The following LRRC37B variants were observed in gnomAD, a reference collection of about 807,000 sequenced individuals.
The protein encoded by LRRC37B is leucine rich repeat containing 37B, also known as leucine-rich repeat-containing protein 37B.
A neutral mutation model predicts 98.3 loss-of-function variants in LRRC37B; 28 were observed. The observed-to-expected ratio is 0.28, with a 90% CI of 0.21 to 0.39. The LOEUF (loss-of-function observed/expected upper bound fraction) is 0.39. LRRC37B is among the 10% of genes least tolerant of loss of function. The probability of loss-of-function intolerance (pLI) is 1.00; values close to 1 mark genes in which losing one functional copy is unlikely to be tolerated. For missense variants in LRRC37B, 938 were observed against 1,182.7 expected, an observed-to-expected ratio of 0.79 and a Z score of 3.03; for synonymous variants, 364 against 442.7, an observed-to-expected ratio of 0.82 and a Z score of 2.23.
At chr17:32,019,581 A>G (rs1351660703), upstream of LRRC37B, among the ~76,000 whole-genome samples, 2 of 152,198 alleles carry the variant, frequency 1.3e-5, no homozygotes, top group Non-Finnish European at 2.9e-5. Flanking sequence ...TTTTTTTTTA[A>G]AAAGGGAGCA....
intron 3 of LRRC37B, among the ~76,000 whole-genome samples, chr17:32,029,398 T>G (rs1349569440): frequency 6.6e-6 from 1 of 152,208 alleles, no homozygotes; most frequent in East Asian, 1.9e-4. Flanking sequence ...AGTCCATGCT[T>G]TCAAGGAGTT....
intron 10 of LRRC37B, 22 bp downstream of exon 13, chr17:32,049,416 G>C: frequency 6.3e-7 from 1 of 1,597,842 alleles, no homozygotes; most frequent in Non-Finnish European, 8.5e-7. Flanking sequence ...ACAGAAACAT[G>C]AGACCCAGAT....
chr17:32,027,444 CTTGCCTGTGTGTGTGTGT>C (rs1910996066), intron 2 of LRRC37B, among the ~76,000 whole-genome samples: 1 of 97,510 alleles, frequency 1.0e-5, no homozygotes, highest in Non-Finnish European at 2.0e-5. Flanking sequence ...TGTGTGTGTG[CTTGCCTGTGTGTGTGTGT>C]GCTTGCCTGT....
chr17:32,014,701 T>TATAGATAG lies in LRRC37B; in HGVS notation c.-190-3251_-190-3244dup, dbSNP rs201573145. 3.9e-3 allele frequency among the ~76,000 whole-genome samples: 587 copies of TATAGATAG among 152,082 alleles called. 4 individuals carry two copies. Among genetic ancestry groups the TATAGATAG allele is most frequent in the African/African-American group, 0.013 (524 of 41,442 alleles). ...TGGTGAGACTTCCAATGTATGTAGA[T>TATAGATAG]ATAGATAGATAGATAGATAGATAGA... is the stretch of plus-strand genomic sequence containing the variant. On this transcript the variant is annotated intron_variant, in intron 1 of 14. Transcript: ENST00000543378.
At chr17:32,012,295 A>T (rs1195713869) in intron 1 of LRRC37B, among the ~76,000 whole-genome samples, 1 of 152,178 alleles carries the variant, frequency 6.6e-6, no homozygotes. Context: ...CTGTCTGTTT[A>T]TGCGTCCTGT....
chr17:32,013,833 A>G (rs1910592485), intron 1 of LRRC37B, among the ~76,000 whole-genome samples: 1 of 152,166 alleles, frequency 6.6e-6, no homozygotes, highest in Non-Finnish European at 1.5e-5. Context: ...GTAGACATAT[A>G]TCCACATACA....
At chr17:32,026,165 G>C (rs987798705) in intron 2 of LRRC37B, among the ~76,000 whole-genome samples, 3 of 152,188 alleles carry the variant, frequency 2.0e-5, no homozygotes, top group Non-Finnish European at 2.9e-5. Context: ...ACAACAGTTT[G>C]TGTCACATCA....
chr17:32,012,576 T>C (rs1171139776), intron 1 of LRRC37B, among the ~76,000 whole-genome samples: 1 of 150,854 alleles, frequency 6.6e-6, no homozygotes, highest in Admixed American at 6.6e-5. Flanking sequence ...AACAGCCTGG[T>C]GTGGTGGCAC....
At chr17:32,021,658 T>C in exon 1 of LRRC37B, 1 of 1,614,206 alleles carries the variant, frequency 6.2e-7, no homozygotes, top group Non-Finnish European at 8.5e-7. Context: ...GCAGATGAAA[T>C]ACTTGTTCCA....
At chr17:32,007,785 C>T (rs973673862), upstream of LRRC37B, 4 of 1,188,754 alleles carry the variant, frequency 3.4e-6, no homozygotes, top group South Asian at 8.3e-5. This position sits in a 1 kb window ranked among gnomAD's most constrained non-coding sequence, Gnocchi z 4.1. Flanking sequence ...GCCCAAGACG[C>T]GGCTGAGCTC....
intron 1 of LRRC37B, among the ~76,000 whole-genome samples, chr17:32,009,603 A>C (rs1910483169): frequency 6.7e-6 from 1 of 149,444 alleles, no homozygotes; most frequent in Admixed American, 6.7e-5. Flanking sequence ...TAAGATGTTT[A>C]ATTGGGTTGC....
intron 11 of LRRC37B, chr17:32,052,351 T>C (rs1436287607): frequency 6.6e-6 from 1 of 152,160 alleles, no homozygotes; most frequent in Non-Finnish European, 1.5e-5. Context: ...TTGAAAACTT[T>C]TGTTGTAGAG....
chr17:32,047,917 C>T lies in LRRC37B; in HGVS notation c.2464+16C>T, dbSNP rs762176342. 5.6e-6 allele frequency: 9 copies of T among 1,614,070 alleles called. No individual in the cohort carries two copies. Among genetic ancestry groups the T allele is most frequent in the Non-Finnish European group, 5.9e-6 (7 of 1,179,992 alleles). Reference sequence around the variant, plus strand: ...GGCTTTGGGGGTGAGCAGCTAGACACCAATGACGAGAGTGATGTTAGCAGT... The same window carrying T: ...GGCTTTGGGGGTGAGCAGCTAGACATCAATGACGAGAGTGATGTTAGCAGT... On this transcript the variant is annotated intron_variant, in intron 9 of 11. Transcript: ENST00000327564.
exon 1 of LRRC37B, chr17:32,021,766 G>A (rs751053733): frequency 1.2e-6 from 2 of 1,614,136 alleles, no homozygotes; most frequent in South Asian, 2.2e-5. Context: ...GAGATTGTTG[G>A]GATTCCACAC....
chr17:32,053,268 G>A, exon 12 of LRRC37B: 1 of 1,609,038 alleles, frequency 6.2e-7, no homozygotes, highest in Non-Finnish European at 8.5e-7. Flanking sequence ...CAAAACAGGT[G>A]AATTCACATA....
exon 1 of LRRC37B, chr17:32,021,504 G>A (rs1377212148): frequency 6.2e-7 from 1 of 1,613,962 alleles, no homozygotes; most frequent in African/African-American, 1.3e-5. Context: ...TGCACATCAG[G>A]ACTTAAATGA....
rs1191827653 is a variant in LRRC37B at position 32,021,644 on chromosome 17, T to G, written c.579T>G (p.His193Gln). ...CAGATCTAGATCGGGCTGCAGGTCA[T>G]CAGGCAGATGAAATACTTGTTCCAC... Residue 193 changes from histidine (H) to glutamine (Q), a missense_variant, in exon 1 of 12, where the codon CAT becomes CAG. Coordinates refer to ENST00000327564, the Ensembl canonical transcript of LRRC37B. The G allele has an allele frequency of 1.9e-6, 3 of 1,614,108 alleles. No individual in the cohort carries two copies. In the African/African-American group the frequency reaches 4.0e-5, roughly 22 times the overall value.
chr17:32,045,545 C>G (rs1255988303), intron 7 of LRRC37B, 155 bp from the exon 11 acceptor site: 62 of 742,176 alleles, frequency 8.4e-5, no homozygotes, highest in Non-Finnish European at 1.3e-4. Flanking sequence ...CCTGTGTCCT[C>G]CTTCCCATTG....
chr17:32,048,955 A>G (rs1911666279), intron 9 of LRRC37B, 147 bp from the exon 13 acceptor site: 1 of 1,378,722 alleles, frequency 7.3e-7, no homozygotes, highest in Admixed American at 1.8e-5. Context: ...AACTACAATC[A>G]TCCTCCTGAG....
Sources: allele counts gnomAD v4.1 joint callset (sites outside exome capture counted in the v4.1 genomes callset), GRCh38; gene constraint gnomAD v4.1.1; non-coding constraint Gnocchi (gnomAD v3.1); transcripts MANE v1.5; gene names NCBI Gene and HGNC (gene_info 2026-07-23, HGNC 2026-07-21).